The following FAM210B variants were observed in gnomAD, a reference collection of about 807,000 sequenced individuals.
The protein encoded by FAM210B is family with sequence similarity 210 member B.
FAM210B carries 11 observed loss-of-function variants against 14.9 expected under a neutral mutation model. The ratio of observed to expected loss-of-function variants is 0.74; its 90% CI spans 0.46 to 1.22. FAM210B has a LOEUF of 1.22. FAM210B is among the 50% of genes most tolerant of loss of function. The probability of loss-of-function intolerance (pLI) is 0.00; values close to 1 mark genes in which losing one functional copy is unlikely to be tolerated. For synonymous variants in FAM210B, 113 were observed against 110.2 expected, an observed-to-expected ratio of 1.03 and a Z score of -0.16; for missense variants, 229 against 250.1, an observed-to-expected ratio of 0.92 and a Z score of 0.57.
chr20:56,361,311 C>G (rs548749550), intron 1 of FAM210B, among the ~76,000 whole-genome samples: 1 of 152,146 alleles, frequency 6.6e-6, no homozygotes, highest in Admixed American at 6.5e-5. Flanking sequence ...CTCTATGGCA[C>G]TTGTCACAGG....
At position 56,363,764 on chromosome 20, in the gene FAM210B, T is replaced by A. The variant is rs144096530; in HGVS notation, c.187-1323T>A. ...GTCCTGGTAGGGCACTGTGCAAAAA[T>A]CGCCCCCACTTTGTGTGTTTCAGAT... On this transcript the variant is annotated intron_variant, in intron 1 of 2. Coordinates refer to ENST00000371384, the MANE Select transcript of FAM210B (RefSeq NM_080821.3). This position sits in a 1 kb window ranked among gnomAD's most constrained non-coding sequence, Gnocchi z 4.1. 3.9e-5 allele frequency among the ~76,000 whole-genome samples: 6 copies of A among 152,332 alleles called. No individual in the cohort carries two copies. Among genetic ancestry groups the A allele is most frequent in the African/African-American group, 1.4e-4 (6 of 41,564 alleles).
rs1260264319 is a variant in FAM210B at position 56,359,123 on chromosome 20, G to A, written c.118G>A (p.Ala40Thr). 5.4e-6 allele frequency: 7 copies of A among 1,299,514 alleles called. No homozygotes were observed. Among genetic ancestry groups the A allele is most frequent in the Non-Finnish European group, 6.8e-6 (7 of 1,028,656 alleles). 80.5% of individuals were successfully genotyped at this position (1,299,514 alleles called of 1,614,324 possible). A position where few individuals can be genotyped will look rare whatever the true frequency, so the allele number is the denominator to read the frequency against. Residue 40 changes from alanine to threonine, a missense_variant, in exon 1 of 3, where the codon GCC (alanine) becomes ACC (threonine). Transcript: ENST00000371384. The surrounding 1 kb of genome is among the most constrained non-coding windows in gnomAD (Gnocchi z 4.3). Reference protein sequence around the residue: ...APCAPPPLALALLPPRLDARL... With the variant: ...APCAPPPLALTLLPPRLDARL... ...CTGCGCCCCGCCGCCCCTGGCCCTGGCCCTGCTCCCGCCCAGGCTAGACGC... is the reference window on the plus strand; with the variant it reads ...CTGCGCCCCGCCGCCCCTGGCCCTGACCCTGCTCCCGCCCAGGCTAGACGC...
rs915454680 is a variant in FAM210B at position 56,359,236 on chromosome 20, C to T, written c.186+45C>T. 4.1e-6 allele frequency: 5 copies of T among 1,218,580 alleles called. No homozygotes were observed. In the African/African-American group the frequency reaches 7.8e-5, roughly 19 times the overall value. The allele number at this position is 1,218,580 out of a possible 1,614,324, so 75.5% of individuals were successfully genotyped here. A position where few individuals can be genotyped will look rare whatever the true frequency, so the allele number is the denominator to read the frequency against. On this transcript the variant is annotated intron_variant, in intron 1 of 2. Transcript: ENST00000371384. This position sits in a 1 kb window ranked among gnomAD's most constrained non-coding sequence, Gnocchi z 4.3. ...CCTGATCCCGGGCGGTGTCCAGGTC[C>T]CCAGACGTCCGCAGGGCCGCGCCGG...
intron 2 of FAM210B, among the ~76,000 whole-genome samples, chr20:56,365,501 G>T (rs1983614959): frequency 6.6e-6 from 1 of 151,080 alleles, no homozygotes; most frequent in African/African-American, 2.4e-5. Flanking sequence ...GCACCCAGCT[G>T]ATTTGTTTGT....
At chr20:56,364,197 T>A (rs1983586041) in intron 1 of FAM210B, among the ~76,000 whole-genome samples, 1 of 152,226 alleles carries the variant, frequency 6.6e-6, no homozygotes, top group Admixed American at 6.5e-5. Flanking sequence ...TATCTTACAC[T>A]TCTAGAGGTC....
chr20:56,366,014 A>G lies in FAM210B; in HGVS notation c.363-57A>G, dbSNP rs1983626328. On this transcript the variant is annotated intron_variant, in intron 2 of 2. Coordinates refer to ENST00000371384, the MANE Select transcript of FAM210B (RefSeq NM_080821.3). ...TACTGTAAATCTTATAGCCAAATCA[A>G]TTTCTTCATTTAATCCCTTGCTGTA... The G allele has an allele frequency of 6.7e-6, 9 of 1,345,264 alleles. No individual in the cohort carries two copies. In the Admixed American group the frequency reaches 1.7e-4, roughly 26 times the overall value. The allele number at this position is 1,345,264 out of a possible 1,614,324, so 83.3% of individuals were successfully genotyped here. A position where few individuals can be genotyped will look rare whatever the true frequency, so the allele number is the denominator to read the frequency against.
chr20:56,366,104 C>T lies in FAM210B; in HGVS notation c.396C>T (p.Leu132=), dbSNP rs752806302. ...ACATGCCTGCAATCCTGCTGAAACT[C>T]GGATTTAAAGAGTCCCTGGTACAGT... ...GVDMPAILLK[L]GFKESLVQSK... Residue 132 remains leucine, a synonymous_variant, in exon 3 of 3, where the codon CTC becomes CTT. Transcript: ENST00000371384. The T allele has an allele frequency of 9.9e-6, 16 of 1,614,000 alleles. No homozygotes were observed. Among genetic ancestry groups the T allele is most frequent in the Middle Eastern group, 3.3e-4 (2 of 6,078 alleles).
chr20:56,361,847 C>T (rs1356877593), intron 1 of FAM210B, among the ~76,000 whole-genome samples: 2 of 151,920 alleles, frequency 1.3e-5, no homozygotes, highest in South Asian at 2.1e-4. Flanking sequence ...CATAGTGGCA[C>T]GTGCCTGTAG....
Position 56,359,320 on chromosome 20 carries a change from T to G in FAM210B, c.186+129T>G. 55 of 935,654 alleles carry G rather than the reference T, an allele frequency of 5.9e-5. No individual in the cohort carries two copies. Among genetic ancestry groups the G allele is most frequent in the Non-Finnish European group, 6.7e-5 (49 of 729,202 alleles). 58.0% of individuals were successfully genotyped at this position (935,654 alleles called of 1,614,324 possible). A position where few individuals can be genotyped will look rare whatever the true frequency, so the allele number is the denominator to read the frequency against. On this transcript the variant is annotated intron_variant, in intron 1 of 2. Coordinates refer to ENST00000371384, the MANE Select transcript of FAM210B (RefSeq NM_080821.3). This position sits in a 1 kb window ranked among gnomAD's most constrained non-coding sequence, Gnocchi z 4.3. ...CTTGTAGCTGCCCGGGACCGAGCTC[T>G]TCCAGGGTCCCCGAAACCCCAAATC... is the stretch of plus-strand genomic sequence containing the variant.
In FAM210B at chr20:56,359,759, T is replaced by G. The variant is rs1233739559; in HGVS notation, c.186+568T>G. On this transcript the variant is annotated intron_variant, in intron 1 of 2. Coordinates refer to ENST00000371384, the MANE Select transcript of FAM210B (RefSeq NM_080821.3). The surrounding 1 kb of genome is among the most constrained non-coding windows in gnomAD (Gnocchi z 4.3). Reference sequence around the variant, plus strand: ...CTTTCCTTTCAAGAAATCTATCACTTTCTTCCAAGTGAGTCTTTTTAAATA... The same window carrying G: ...CTTTCCTTTCAAGAAATCTATCACTGTCTTCCAAGTGAGTCTTTTTAAATA... 6.6e-6 allele frequency among the ~76,000 whole-genome samples: 1 copy of G among 152,236 alleles called. No individual in the cohort carries two copies. The highest frequency in any genetic ancestry group is 2.4e-5 in the African/African-American group (1 of 41,472).
intron 1 of FAM210B, chr20:56,360,457 G>A (rs978079632): frequency 2.3e-5 from 8 of 341,000 alleles, no homozygotes; most frequent in Non-Finnish European, 4.7e-5. Flanking sequence ...CTGGAGCGGT[G>A]TGTGTGTATA....
At chr20:56,365,888 C>T (rs1406793462) in intron 2 of FAM210B, among the ~76,000 whole-genome samples, 183 bp from the exon 3 acceptor site, 1 of 150,706 alleles carries the variant, frequency 6.6e-6, no homozygotes, top group Non-Finnish European at 1.5e-5. Context: ...AAGCGATCCT[C>T]CCACCTCGGC....
Position 56,359,555 on chromosome 20 carries a change from C to T in FAM210B, c.186+364C>T, listed in dbSNP as rs1417692747. Among the ~76,000 whole-genome samples, 1 of 152,228 alleles carries T rather than the reference C, an allele frequency of 6.6e-6. No individual in the cohort carries two copies. Among genetic ancestry groups the T allele is most frequent in the Non-Finnish European group, 1.5e-5 (1 of 68,046 alleles). ...GTCCAGGCCTTCTGGCTGGGTCTCG[C>T]TGTGTTTTGAACACCTCCCGACGCT... On this transcript the variant is annotated intron_variant, in intron 1 of 2. Coordinates refer to ENST00000371384, the MANE Select transcript of FAM210B (RefSeq NM_080821.3). The surrounding 1 kb of genome is among the most constrained non-coding windows in gnomAD (Gnocchi z 4.3).
chr20:56,359,878 C>T lies in FAM210B; in HGVS notation c.186+687C>T, dbSNP rs1055089889. On this transcript the variant is annotated intron_variant, in intron 1 of 2. Transcript: ENST00000371384. The surrounding 1 kb of genome is among the most constrained non-coding windows in gnomAD (Gnocchi z 4.3). The stretch of plus-strand genomic sequence containing the variant: ...CCCGGAGCGCATCCGGCCTGGCAGT[C>T]TGGAGCCTCTTTGTTTGCCTGGGTG... Among the ~76,000 whole-genome samples, 5 of 152,270 alleles carry T rather than the reference C, an allele frequency of 3.3e-5. No homozygotes were observed. Among genetic ancestry groups the T allele is most frequent in the African/African-American group, 4.8e-5 (2 of 41,484 alleles).
intron 2 of FAM210B, 78 bp from the exon 3 acceptor site, chr20:56,365,993 G>A (rs959625035): frequency 9.5e-6 from 9 of 952,084 alleles, no homozygotes; most frequent in Non-Finnish European, 1.3e-5. Flanking sequence ...TTAAAATACT[G>A]TAAATCTTAT....
intron 1 of FAM210B, among the ~76,000 whole-genome samples, chr20:56,364,229 A>G (rs933437592): frequency 6.6e-6 from 1 of 152,210 alleles, no homozygotes; most frequent in East Asian, 1.9e-4. Flanking sequence ...ATGGGTCTTA[A>G]TGCACTAAAG....
At chr20:56,365,394 G>A in intron 2 of FAM210B, 132 bp downstream of exon 2, 1 of 934,826 alleles carries the variant, frequency 1.1e-6, no homozygotes, top group Non-Finnish European at 1.6e-6. Context: ...GAGTGCAGTG[G>A]CATGATCACA....
At chr20:56,361,867 CT>C (rs1983538863) in intron 1 of FAM210B, among the ~76,000 whole-genome samples, 1 of 152,070 alleles carries the variant, frequency 6.6e-6, no homozygotes, top group African/African-American at 2.4e-5. Flanking sequence ...GTCCCAGCTT[CT>C]CGGGAGGCTG....
chr20:56,361,098 C>T (rs1397369179), intron 1 of FAM210B, among the ~76,000 whole-genome samples: 5 of 152,136 alleles, frequency 3.3e-5, no homozygotes, highest in Admixed American at 2.0e-4. Context: ...TCCTGTAAAC[C>T]GCCTAGCAGC....
Sources: allele counts gnomAD v4.1 joint callset (sites outside exome capture counted in the v4.1 genomes callset), GRCh38; gene constraint gnomAD v4.1.1; non-coding constraint Gnocchi (gnomAD v3.1); transcripts MANE v1.5; gene names NCBI Gene and HGNC (gene_info 2026-07-23, HGNC 2026-07-21).